Variants in CIMAP3 observed in about 807,000 individuals in gnomAD.
CIMAP3 encodes ciliary microtubule-associated protein 3.
At chr1:111,352,910 C>T in the CIMAP3 span, 2 of 152,138 alleles carry the variant, frequency 1.3e-5, no homozygotes, top group African/African-American at 2.4e-5. Flanking sequence ...AAATAGTAAT[C>T]TGATTTGATG....
chr1:111,332,150 T>C, the CIMAP3 span, among the ~76,000 whole-genome samples: 1 of 152,234 alleles, frequency 6.6e-6, no homozygotes, highest in Non-Finnish European at 1.5e-5. Flanking sequence ...ATGGCTGTTA[T>C]TCTGGCTAGT....
chr1:111,327,343 TG>T, the CIMAP3 span, among the ~76,000 whole-genome samples: 7 of 152,176 alleles, frequency 4.6e-5, no homozygotes, highest in African/African-American at 1.4e-4. Flanking sequence ...TGCCAGGTTT[TG>T]GTACCAAGAT....
At chr1:111,345,399 T>G in the CIMAP3 span, among the ~76,000 whole-genome samples, 15 of 152,350 alleles carry the variant, frequency 9.8e-5, no homozygotes, top group African/African-American at 3.6e-4. Context: ...TACTAATTAT[T>G]TTTGTAGAGT....
At chr1:111,346,526 C>A in the CIMAP3 span, 4 of 1,488,722 alleles carry the variant, frequency 2.7e-6, no homozygotes, top group East Asian at 7.4e-5. Flanking sequence ...TCGGTGGACG[C>A]CCCAACTTGC....
the CIMAP3 span, among the ~76,000 whole-genome samples, chr1:111,328,831 C>T: frequency 3.3e-5 from 5 of 151,128 alleles, no homozygotes; most frequent in Admixed American, 1.3e-4. Flanking sequence ...TTAAGTGGGG[C>T]ATTCAGCCCA....
the CIMAP3 span, among the ~76,000 whole-genome samples, chr1:111,336,687 T>C: frequency 2.0e-5 from 3 of 152,178 alleles, no homozygotes; most frequent in Non-Finnish European, 2.9e-5. Flanking sequence ...CCAAGAAATA[T>C]GGGACTATGT....
the CIMAP3 span, among the ~76,000 whole-genome samples, chr1:111,335,650 G>A: frequency 6.6e-6 from 1 of 152,252 alleles, no homozygotes; most frequent in African/African-American, 2.4e-5. Flanking sequence ...CTGGGGGAGG[G>A]GCACCCGCCA....
the CIMAP3 span, chr1:111,324,686 T>C: frequency 3.6e-5 from 35 of 984,200 alleles, no homozygotes; most frequent in Non-Finnish European, 4.2e-5. Context: ...ATTTTCTTGG[T>C]TAAAGTCCCC....
chr1:111,331,127 G>T, the CIMAP3 span, among the ~76,000 whole-genome samples: 2 of 152,114 alleles, frequency 1.3e-5, no homozygotes, highest in African/African-American at 2.4e-5. Context: ...TTCTCTTGCT[G>T]CTTTCAAAAT....
the CIMAP3 span, among the ~76,000 whole-genome samples, chr1:111,326,940 AT>A: frequency 6.6e-6 from 1 of 151,694 alleles, no homozygotes; most frequent in African/African-American, 2.4e-5. Flanking sequence ...GTGAGATTTT[AT>A]TTGTTTTTTA....
chr1:111,333,006 G>A, the CIMAP3 span, among the ~76,000 whole-genome samples: 1 of 152,206 alleles, frequency 6.6e-6, no homozygotes, highest in Non-Finnish European at 1.5e-5. Flanking sequence ...ACAAGGGCCT[G>A]TCTGCAGTGA....
the CIMAP3 span, chr1:111,349,562 A>T: frequency 6.6e-6 from 1 of 152,452 alleles, no homozygotes; most frequent in African/African-American, 2.4e-5. Flanking sequence ...AAGGAAGTAG[A>T]AGCATTGAGT....
chr1:111,343,060 C>T, the CIMAP3 span, among the ~76,000 whole-genome samples: 1 of 152,112 alleles, frequency 6.6e-6, no homozygotes, highest in African/African-American at 2.4e-5. Context: ...TCACTTTTTT[C>T]AGCTTTTCTA....
the CIMAP3 span, among the ~76,000 whole-genome samples, chr1:111,328,613 T>G: frequency 6.6e-6 from 1 of 152,354 alleles, no homozygotes; most frequent in Admixed American, 6.5e-5. Context: ...TGCCCTTCTT[T>G]GTCTTTTTTT....
chr1:111,334,310 C>T, the CIMAP3 span, among the ~76,000 whole-genome samples: 1 of 152,158 alleles, frequency 6.6e-6, no homozygotes, highest in Non-Finnish European at 1.5e-5. Context: ...TTAGGAAGGG[C>T]AGGGCTCCAA....
At chr1:111,347,630 T>C in the CIMAP3 span, 4 of 1,192,244 alleles carry the variant, frequency 3.4e-6, no homozygotes, top group East Asian at 7.1e-5. Flanking sequence ...TTCTTTTTTT[T>C]TTTTTTTGGT....
At chr1:111,352,662 A>G in the CIMAP3 span, 1 of 152,256 alleles carries the variant, frequency 6.6e-6, no homozygotes, top group Admixed American at 6.5e-5. Flanking sequence ...ATGACTTGAG[A>G]TAAGTCAGGA....
At chr1:111,331,679 T>G in the CIMAP3 span, among the ~76,000 whole-genome samples, 26 of 151,718 alleles carry the variant, frequency 1.7e-4, no homozygotes, top group South Asian at 2.1e-4. Context: ...AATTCTTTTT[T>G]GGGGGGGGCA....
the CIMAP3 span, chr1:111,346,565 C>A: frequency 6.9e-6 from 11 of 1,600,002 alleles, no homozygotes; most frequent in South Asian, 2.2e-5. Flanking sequence ...CCCTCTCCCC[C>A]TCCCCGCGCT....
Sources: allele counts gnomAD v4.1 joint callset (sites outside exome capture counted in the v4.1 genomes callset), GRCh38; gene constraint gnomAD v4.1.1; transcripts MANE v1.5; gene names NCBI Gene and HGNC (gene_info 2026-07-23, HGNC 2026-07-21).